Variants in CALN1 observed in about 807,000 individuals in gnomAD.
CALN1 encodes the protein calneuron 1.
A neutral mutation model predicts 30.6 loss-of-function variants in CALN1; 17 were observed. The observed-to-expected ratio is 0.56, with a 90% CI of 0.38 to 0.83. CALN1 has a LOEUF of 0.83. Among genes scored for constraint, CALN1 ranks in the 40% least tolerant of loss-of-function variants. The pLI is 0.00. For missense variants in CALN1, 291 were observed against 354.9 expected (o/e 0.82, Z 1.45); for synonymous variants, 156 against 131.4 (o/e 1.19, Z -1.28).
intron 5 of CALN1, among the ~76,000 whole-genome samples, chr7:71,910,516 C>T (rs1794373094): frequency 1.3e-5 from 2 of 152,180 alleles, no homozygotes; most frequent in Non-Finnish European, 2.9e-5. Flanking sequence ...ACAGATGAAC[C>T]AAGTTGGGCC....
chr7:71,880,120 G>A (rs1029338696), intron 5 of CALN1, among the ~76,000 whole-genome samples: 1 of 152,116 alleles, frequency 6.6e-6, no homozygotes, highest in African/African-American at 2.4e-5. Context: ...CTGGGTGATG[G>A]AGCAGGATAC....
chr7:71,909,017 G>C (rs1381803033), intron 5 of CALN1, among the ~76,000 whole-genome samples: 1 of 152,152 alleles, frequency 6.6e-6, no homozygotes, highest in African/African-American at 2.4e-5. Context: ...TTTATTGATT[G>C]ATTGATTGAC....
At chr7:72,316,114 GCACTCCAGC>G (rs1800425742) in intron 2 of CALN1, among the ~76,000 whole-genome samples, 1 of 151,452 alleles carries the variant, frequency 6.6e-6, no homozygotes, top group Non-Finnish European at 1.5e-5. Context: ...TTGCACCACT[GCACTCCAGC>G]CCAGATGACA....
At chr7:72,412,875 A>G (rs551647599), upstream of CALN1, among the ~76,000 whole-genome samples, 2 of 152,182 alleles carry the variant, frequency 1.3e-5, no homozygotes, top group African/African-American at 4.8e-5. Flanking sequence ...CACCCAGACC[A>G]TGGAGGCCAC....
chr7:72,449,874 C>CA (rs71069071), upstream of CALN1, among the ~76,000 whole-genome samples: 7,739 of 52,112 alleles, frequency 0.15, 1,957 homozygotes, highest in East Asian at 0.19. Context: ...GACTCCGTCT[C>CA]AAAAAAAAAA....
chr7:72,360,103 T>G (rs561421109), intron 2 of CALN1, among the ~76,000 whole-genome samples: 53 of 152,106 alleles, frequency 3.5e-4, no homozygotes, highest in African/African-American at 1.2e-3. Context: ...GTCCAACTCA[T>G]GGTCGAATCT....
chr7:72,039,667 G>A (rs779923767), intron 4 of CALN1, among the ~76,000 whole-genome samples: 5 of 152,184 alleles, frequency 3.3e-5, no homozygotes, highest in African/African-American at 4.8e-5. Flanking sequence ...TCCCCACTGT[G>A]CAGCTGTGGT....
chr7:72,276,427 T>C (rs551007134), intron 3 of CALN1, among the ~76,000 whole-genome samples: 1 of 152,284 alleles, frequency 6.6e-6, no homozygotes, highest in Non-Finnish European at 1.5e-5. Context: ...CGTGATGTCA[T>C]TAAGAAGTGA....
the CALN1 span, among the ~76,000 whole-genome samples, chr7:72,487,222 G>A: frequency 6.6e-6 from 1 of 152,058 alleles, no homozygotes; most frequent in African/African-American, 2.4e-5. Context: ...AGGATCTATG[G>A]GGCTAAACAG....
chr7:71,868,532 C>T (rs112060621), intron 5 of CALN1, among the ~76,000 whole-genome samples: 7,375 of 151,932 alleles, frequency 0.049, 603 homozygotes, highest in African/African-American at 0.17. Flanking sequence ...CCACCACGCC[C>T]GGCTAATTTT....
chr7:71,901,601 C>A (rs1793853162), intron 5 of CALN1, among the ~76,000 whole-genome samples: 1 of 152,002 alleles, frequency 6.6e-6, no homozygotes, highest in Admixed American at 6.5e-5. Context: ...AATAGAGAAC[C>A]TGGAAATAAA....
intron 3 of CALN1, among the ~76,000 whole-genome samples, chr7:72,115,972 A>G (rs1018272387): frequency 4.6e-5 from 7 of 152,090 alleles, no homozygotes; most frequent in Non-Finnish European, 8.8e-5. Flanking sequence ...CTCCAGTTCC[A>G]TCCATGGTCC....
rs1422741758 is a variant in CALN1, at chr7:71,810,495, G to A, written c.502-3C>T. On this transcript the variant is annotated splice_region_variant and splice_polypyrimidine_tract_variant and intron_variant, in intron 5 of 6. Coordinates refer to ENST00000395275, the MANE Select transcript of CALN1 (RefSeq NM_031468.4). ...AGAGTTATCCTTTGCATGTCAAACT[G>A]TGGAGATAAAGAGTAGTGAGATGGT... The A allele has an allele frequency of 3.7e-6, 6 of 1,613,406 alleles. No homozygotes were observed. The highest frequency in any genetic ancestry group is 5.1e-6 in the Non-Finnish European group (6 of 1,179,580).
chr7:72,229,605 A>C (rs1182480299), intron 3 of CALN1, among the ~76,000 whole-genome samples: 3 of 152,076 alleles, frequency 2.0e-5, no homozygotes, highest in Non-Finnish European at 4.4e-5. Context: ...TGCAGCCATA[A>C]AGAAGAATGA....
At chr7:72,044,735 C>T (rs1802360684) in intron 4 of CALN1, among the ~76,000 whole-genome samples, 1 of 151,020 alleles carries the variant, frequency 6.6e-6, no homozygotes, top group African/African-American at 2.4e-5. Flanking sequence ...CTTCAGGTTC[C>T]TGAGTAGCCA....
At chr7:71,943,562 TC>T (rs143744724) in intron 5 of CALN1, among the ~76,000 whole-genome samples, 24,311 of 151,972 alleles carry the variant, frequency 0.16, 1,971 homozygotes, top group Middle Eastern at 0.2. Flanking sequence ...TGCCTCAGCC[TC>T]CCGAGTAGCT....
intron 3 of CALN1, among the ~76,000 whole-genome samples, chr7:72,220,713 T>C (rs1793223841): frequency 6.6e-6 from 1 of 151,720 alleles, no homozygotes; most frequent in Admixed American, 6.6e-5. Flanking sequence ...TGTTGTTTCC[T>C]GACTTTTTAA....
At chr7:72,360,670 T>C (rs746484991) in intron 2 of CALN1, among the ~76,000 whole-genome samples, 4 of 148,910 alleles carry the variant, frequency 2.7e-5, no homozygotes, top group Non-Finnish European at 4.5e-5. Context: ...TTGTTACATA[T>C]GTATGTATAC....
rs190505569 is a variant in CALN1, at chr7:72,288,983, A to G, written c.120-10173T>C. Among the ~76,000 whole-genome samples the G allele has an allele frequency of 2.9e-3, 442 of 152,318 alleles. 2 individuals are homozygous for G. The highest frequency in any genetic ancestry group is 5.2e-3 in the Non-Finnish European group (352 of 68,030). ...CAATTTCTTTTTCAATGAAGTGTAA[A>G]TGTAAATAAGGGGCTATAAATGGCA... On this transcript the variant is annotated intron_variant, in intron 2 of 6. Coordinates refer to ENST00000395275, the MANE Select transcript of CALN1 (RefSeq NM_031468.4).
Sources: allele counts gnomAD v4.1 joint callset (sites outside exome capture counted in the v4.1 genomes callset), GRCh38; gene constraint gnomAD v4.1.1; transcripts MANE v1.5; gene names NCBI Gene and HGNC (gene_info 2026-07-23, HGNC 2026-07-21).